GRID2: variants seen among roughly 807,000 people sequenced by gnomAD.
GRID2 encodes glutamate ionotropic receptor delta type subunit 2.
Under a neutral mutation model 114.8 loss-of-function variants are expected in GRID2, and 33 were observed. The ratio of observed to expected loss-of-function variants is 0.29; its 90% CI spans 0.22 to 0.38. GRID2 has a LOEUF of 0.38. Among genes scored for constraint, GRID2 ranks in the 10% least tolerant of loss-of-function variants. The pLI is 1.00. For missense variants in GRID2, 1,184 were observed against 1,257.7 expected (o/e 0.94, Z 0.89); for synonymous variants, 505 against 449.9 (o/e 1.12, Z -1.55).
chr4:92,875,548 T>A (rs1745569187), intron 2 of GRID2, among the ~76,000 whole-genome samples: 1 of 152,174 alleles, frequency 6.6e-6, no homozygotes, highest in Non-Finnish European at 1.5e-5. Flanking sequence ...TCTGGAAATG[T>A]TTAATAAATA....
intron 2 of GRID2, among the ~76,000 whole-genome samples, chr4:92,711,589 G>A (rs1434788): frequency 1 from 152,173 of 152,280 alleles, 76,033 homozygotes; most frequent in Middle Eastern, 1. Context: ...GCTACCAGCT[G>A]GAGAAAACTA....
chr4:92,396,033 A>C (rs1000946366), intron 1 of GRID2, among the ~76,000 whole-genome samples: 1 of 151,878 alleles, frequency 6.6e-6, no homozygotes, highest in African/African-American at 2.4e-5. Flanking sequence ...ATACAGAGAA[A>C]TAGTATGATA....
intron 2 of GRID2, among the ~76,000 whole-genome samples, chr4:93,043,299 C>A (rs911788961): frequency 1.3e-5 from 2 of 152,102 alleles, no homozygotes; most frequent in African/African-American, 4.8e-5. Flanking sequence ...GACCTTCTAC[C>A]AGGTTTTAGA....
intron 1 of GRID2, among the ~76,000 whole-genome samples, chr4:92,528,065 G>T (rs1410328447): frequency 1.3e-5 from 2 of 151,868 alleles, no homozygotes; most frequent in Non-Finnish European, 2.9e-5. Context: ...TGGAGAAATT[G>T]GTTGAATTGG....
rs1560713387 is a variant in GRID2, at chr4:93,524,793, AT to A, written c.2193+9383del. Among the ~76,000 whole-genome samples, 10 of 85,682 alleles carry A rather than the reference AT, an allele frequency of 1.2e-4. No individual in the cohort carries two copies. In the East Asian group the frequency reaches 3.6e-3, roughly 30 times the overall value. The allele number at this position is 85,682 out of a possible 152,430, so 56.2% of individuals were successfully genotyped here. On this transcript the variant is annotated intron_variant, in intron 13 of 15. Coordinates refer to ENST00000282020, the MANE Select transcript of GRID2 (RefSeq NM_001510.4). ...AATATATGTATGTATGTGTATATATATATATATATATATATATATATGTATG... is the reference window on the plus strand; with the variant it reads ...AATATATGTATGTATGTGTATATATAATATATATATATATATATATGTATG...
chr4:93,410,439 C>T (rs540245039), intron 9 of GRID2, among the ~76,000 whole-genome samples: 46 of 152,304 alleles, frequency 3.0e-4, no homozygotes, highest in African/African-American at 9.6e-4. Flanking sequence ...TGATCTTCTA[C>T]GTGACAAATT....
intron 2 of GRID2, among the ~76,000 whole-genome samples, chr4:92,774,703 C>T (rs768942374): frequency 2.5e-4 from 37 of 150,878 alleles, no homozygotes; most frequent in African/African-American, 6.8e-4. Flanking sequence ...TCAAGTGATC[C>T]TCCTGCCTCA....
At chr4:93,754,184 A>T (rs2110291808) in intron 14 of GRID2, among the ~76,000 whole-genome samples, 1 of 151,312 alleles carries the variant, frequency 6.6e-6, no homozygotes, top group Non-Finnish European at 1.5e-5. Context: ...GACCACTCTT[A>T]TATATATGGT....
At chr4:92,410,267 A>G (rs751077857) in intron 1 of GRID2, among the ~76,000 whole-genome samples, 1 of 152,170 alleles carries the variant, frequency 6.6e-6, no homozygotes, top group African/African-American at 2.4e-5. Flanking sequence ...TTCCCATGAC[A>G]GAGATGTTTC....
chr4:93,565,915 A>T (rs1005964821), intron 13 of GRID2, among the ~76,000 whole-genome samples: 1 of 152,210 alleles, frequency 6.6e-6, no homozygotes, highest in African/African-American at 2.4e-5. Context: ...AGTATAATTT[A>T]GAGGCACTAT....
chr4:93,706,064 G>A (rs1236658343), intron 14 of GRID2, among the ~76,000 whole-genome samples: 3 of 152,096 alleles, frequency 2.0e-5, no homozygotes, highest in Non-Finnish European at 4.4e-5. Flanking sequence ...CCAGTACCGT[G>A]TTGTTTTGAT....
intron 4 of GRID2, among the ~76,000 whole-genome samples, chr4:93,170,932 T>G (rs995906): frequency 1.3e-5 from 2 of 152,000 alleles, no homozygotes; most frequent in South Asian, 4.2e-4. Context: ...GAAAATAATG[T>G]CTGCTCGGTA....
chr4:92,443,101 G>T (rs532929375), intron 1 of GRID2, among the ~76,000 whole-genome samples: 1 of 152,028 alleles, frequency 6.6e-6, no homozygotes, highest in Non-Finnish European at 1.5e-5. Flanking sequence ...GGTACTGAGG[G>T]GACAGGCAGG....
At chr4:93,461,387 A>C (rs1044405589) in intron 11 of GRID2, among the ~76,000 whole-genome samples, 8 of 152,236 alleles carry the variant, frequency 5.3e-5, no homozygotes, top group African/African-American at 1.9e-4. Context: ...ATGTATAGGC[A>C]ATTGACTTGG....
chr4:93,601,477 A>G (rs992887120), intron 13 of GRID2, among the ~76,000 whole-genome samples: 1 of 152,118 alleles, frequency 6.6e-6, no homozygotes, highest in Non-Finnish European at 1.5e-5. Flanking sequence ...GCTGCATTCA[A>G]TGAGGGGCAT....
chr4:92,692,020 G>C (rs950136738), intron 2 of GRID2, among the ~76,000 whole-genome samples: 22 of 152,114 alleles, frequency 1.4e-4, no homozygotes, highest in African/African-American at 5.3e-4. Context: ...AAATAACTTA[G>C]AGACAAAAAG....
chr4:93,202,182 T>C (rs905687773), intron 4 of GRID2, among the ~76,000 whole-genome samples: 7 of 152,176 alleles, frequency 4.6e-5, no homozygotes, highest in African/African-American at 7.2e-5. Context: ...CCAAGCATAT[T>C]ATTAAATAGA....
At chr4:93,061,199 T>TTTG (rs150748086) in intron 2 of GRID2, among the ~76,000 whole-genome samples, 26,352 of 140,550 alleles carry the variant, frequency 0.19, 3,161 homozygotes, top group Middle Eastern at 0.36. Context: ...TTTTCTTGTT[T>TTTG]TTTTTTTTTT....
intron 2 of GRID2, among the ~76,000 whole-genome samples, chr4:92,738,043 T>A (rs1293289628): frequency 6.6e-6 from 1 of 152,196 alleles, no homozygotes; most frequent in Non-Finnish European, 1.5e-5. Flanking sequence ...TGGCCAAGTT[T>A]TTTGCACATA....
Sources: allele counts gnomAD v4.1 joint callset (sites outside exome capture counted in the v4.1 genomes callset), GRCh38; gene constraint gnomAD v4.1.1; transcripts MANE v1.5; gene names NCBI Gene and HGNC (gene_info 2026-07-23, HGNC 2026-07-21).